The following RNF111 variants were observed in gnomAD, a reference collection of about 807,000 sequenced individuals.
RNF111 encodes the protein ring finger protein 111.
RNF111 carries 17 observed loss-of-function variants against 95.1 expected under a neutral mutation model. The ratio of observed to expected loss-of-function variants is 0.18; its 90% CI spans 0.12 to 0.27. The LOEUF is 0.27. Ranked by LOEUF, RNF111 falls within the 10% of genes least tolerant of loss-of-function variation. The probability of loss-of-function intolerance (pLI) is 1.00; values close to 1 mark genes in which losing one functional copy is unlikely to be tolerated. For synonymous variants in RNF111, 440 were observed against 414.8 expected (o/e 1.06, Z -0.74); for missense variants, 1,189 against 1,210.4 (o/e 0.98, Z 0.26).
At chr15:59,078,455 T>C (rs1437897843) in intron 7 of RNF111, among the ~76,000 whole-genome samples, 1 of 151,674 alleles carries the variant, frequency 6.6e-6, no homozygotes, top group Non-Finnish European at 1.5e-5. Context: ...GCATGGGGAT[T>C]GCTTGAGCTC....
chr15:59,092,045 A>G (rs1468622444), intron 12 of RNF111, among the ~76,000 whole-genome samples: 2 of 152,230 alleles, frequency 1.3e-5, no homozygotes, highest in African/African-American at 4.8e-5. Context: ...TACTATGTAA[A>G]GAATAATCAT....
chr15:59,010,420 G>C (rs1684704067), intron 1 of RNF111, among the ~76,000 whole-genome samples: 1 of 150,972 alleles, frequency 6.6e-6, no homozygotes, highest in South Asian at 2.1e-4. Flanking sequence ...TTCTTTTTTT[G>C]AGATGGAGTC....
At chr15:59,029,071 C>T (rs1471807547) in intron 1 of RNF111, among the ~76,000 whole-genome samples, 3 of 152,124 alleles carry the variant, frequency 2.0e-5, no homozygotes, top group East Asian at 1.9e-4. Context: ...TGAGCCACCG[C>T]GCCCAGCTTG....
At chr15:58,992,740 A>T (rs905352211) in intron 1 of RNF111, among the ~76,000 whole-genome samples, 1 of 152,290 alleles carries the variant, frequency 6.6e-6, no homozygotes, top group Admixed American at 6.5e-5. Flanking sequence ...GGATGGCTTG[A>T]GCCCGGGAGG....
chr15:59,021,396 C>A (rs907603490), intron 1 of RNF111, among the ~76,000 whole-genome samples: 2 of 152,200 alleles, frequency 1.3e-5, no homozygotes, highest in African/African-American at 4.8e-5. Flanking sequence ...ATTCATCCGC[C>A]TGTCTCGGCC....
intron 2 of RNF111, among the ~76,000 whole-genome samples, chr15:59,043,691 A>C (rs2041576368): frequency 6.6e-6 from 1 of 152,168 alleles, no homozygotes; most frequent in Admixed American, 6.5e-5. Context: ...TTTCTGTTGG[A>C]AAGATACCAA....
intron 1 of RNF111, chr15:59,004,099 GATTT>G (rs1246647390): frequency 1.8e-6 from 2 of 1,096,764 alleles, no homozygotes; most frequent in South Asian, 3.7e-5. Context: ...CAGACTCTTG[GATTT>G]ATTTATTTTA....
chr15:59,092,883 C>T (rs557773646), intron 13 of RNF111, among the ~76,000 whole-genome samples: 1 of 152,216 alleles, frequency 6.6e-6, no homozygotes, highest in Admixed American at 6.5e-5. Flanking sequence ...ACCTGCAGTG[C>T]CAGCTACTCA....
chr15:59,014,786 T>G (rs993892215), intron 1 of RNF111, among the ~76,000 whole-genome samples: 1 of 151,690 alleles, frequency 6.6e-6, no homozygotes, highest in East Asian at 1.9e-4. Context: ...AGACAGGGTC[T>G]TCCTCTATGG....
chr15:59,025,961 C>G (rs1407010348), intron 1 of RNF111, among the ~76,000 whole-genome samples: 8 of 151,880 alleles, frequency 5.3e-5, no homozygotes, highest in African/African-American at 1.9e-4. Flanking sequence ...AACTCCCAAC[C>G]TCAGGTGATC....
At chr15:59,018,309 C>G (rs1360684065) in intron 1 of RNF111, among the ~76,000 whole-genome samples, 1 of 152,122 alleles carries the variant, frequency 6.6e-6, no homozygotes, top group Non-Finnish European at 1.5e-5. Context: ...TTCTGAGTTT[C>G]TGCCCTATTC....
chr15:59,088,525 C>A (rs1481422576), intron 10 of RNF111, among the ~76,000 whole-genome samples: 5 of 152,144 alleles, frequency 3.3e-5, no homozygotes, highest in African/African-American at 1.2e-4. Context: ...GCTATAAATT[C>A]TGCTTAAAGT....
chr15:58,999,741 C>T (rs1191099802), intron 1 of RNF111, among the ~76,000 whole-genome samples: 1 of 152,094 alleles, frequency 6.6e-6, no homozygotes, highest in African/African-American at 2.4e-5. Context: ...ATAACTGAGA[C>T]TGGGTAATTT....
At chr15:59,042,757 G>T (rs1413979767) in intron 2 of RNF111, among the ~76,000 whole-genome samples, 1 of 152,122 alleles carries the variant, frequency 6.6e-6, no homozygotes, top group Non-Finnish European at 1.5e-5. Flanking sequence ...CCTGTTTATG[G>T]AGTTTTTACT....
At chr15:59,017,910 A>G (rs891955248) in intron 1 of RNF111, among the ~76,000 whole-genome samples, 32 of 151,978 alleles carry the variant, frequency 2.1e-4, no homozygotes, top group Non-Finnish European at 1.5e-5. Context: ...GGCGCCTGCC[A>G]TCATGCCCAG....
At chr15:59,060,508 C>G (rs2042387952) in intron 5 of RNF111, among the ~76,000 whole-genome samples, 1 of 152,066 alleles carries the variant, frequency 6.6e-6, no homozygotes, top group African/African-American at 2.4e-5. Flanking sequence ...TGGTGACACA[C>G]ACCTTTAGTG....
intron 5 of RNF111, among the ~76,000 whole-genome samples, chr15:59,065,799 G>A (rs1309037906): frequency 1.3e-5 from 2 of 152,170 alleles, no homozygotes; most frequent in African/African-American, 4.8e-5. Context: ...CTGAGCTCTG[G>A]AAGGAGCTTA....
intron 6 of RNF111, among the ~76,000 whole-genome samples, chr15:59,070,141 C>G (rs1420692210): frequency 2.1e-5 from 3 of 143,422 alleles, no homozygotes. Flanking sequence ...TTCTAATTGG[C>G]TGGGACTACA....
chr15:59,085,765 T>A lies in RNF111; in HGVS notation c.2530T>A (p.Leu844Ile), dbSNP rs1212710445. ...ACCTCCTCGACTTCATCACTTACAA[T>A]TAGGAGCTCTTCCTTTAATGGTAAA... Reference protein sequence around the residue: ...HAPPRLHHLQLGALPLMVPDM... With the variant: ...HAPPRLHHLQIGALPLMVPDM... Residue 844 changes from leucine to isoleucine, a missense_variant, in exon 10 of 14, where the codon TTA becomes ATA. Physicochemically the swap from Leu to Ile is conservative, Grantham distance 5. Coordinates refer to ENST00000348370, the MANE Select transcript of RNF111 (RefSeq NM_017610.8). The A allele has an allele frequency of 3.7e-6, 6 of 1,613,134 alleles. No homozygotes were observed. The highest frequency in any genetic ancestry group is 5.1e-6 in the Non-Finnish European group (6 of 1,179,402).
Sources: gnomAD v4.1 joint callset for allele counts (sites outside exome capture counted in the v4.1 genomes callset) on GRCh38, gnomAD v4.1.1 for gene constraint, MANE v1.5 for transcripts, NCBI Gene and HGNC (gene_info 2026-07-23, HGNC 2026-07-21) for gene names.